Variants in CA10 observed in about 807,000 individuals in gnomAD.
CA10 encodes the protein carbonic anhydrase-related protein 10.
In CA10, 14 loss-of-function variants were observed where a neutral mutation model predicts 44.2. The ratio of observed to expected loss-of-function variants is 0.32; its 90% confidence interval spans 0.21 to 0.50. The LOEUF is 0.50. Ranked by LOEUF, CA10 falls within the 20% of genes least tolerant of loss-of-function variation. The pLI is 0.99. For missense variants in CA10, 350 were observed against 409.7 expected (o/e 0.85, Z 1.26); for synonymous variants, 159 against 141.6 (o/e 1.12, Z -0.87).
intron 3 of CA10, among the ~76,000 whole-genome samples, chr17:51,806,695 C>T (rs978662098): frequency 6.6e-6 from 1 of 152,188 alleles, no homozygotes; most frequent in African/African-American, 2.4e-5. Flanking sequence ...CAACAAGAAG[C>T]ATAATTTAAT....
At chr17:51,824,882 T>A (rs924275379) in intron 3 of CA10, among the ~76,000 whole-genome samples, 1 of 152,250 alleles carries the variant, frequency 6.6e-6, no homozygotes, top group Non-Finnish European at 1.5e-5. Context: ...TCTGACTTCC[T>A]CACTTTACTA....
intron 1 of CA10, among the ~76,000 whole-genome samples, chr17:52,119,146 C>G (rs184186374): frequency 2.5e-4 from 36 of 146,508 alleles, no homozygotes; most frequent in African/African-American, 8.6e-4. Flanking sequence ...GAATAAAGTA[C>G]AATTCTGTGA....
intron 4 of CA10, among the ~76,000 whole-genome samples, chr17:51,706,559 C>G (rs1218768624): frequency 6.6e-6 from 1 of 152,218 alleles, no homozygotes; most frequent in East Asian, 1.9e-4. Context: ...CCTGCCGGGG[C>G]CTTTGCCCCC....
intron 1 of CA10, among the ~76,000 whole-genome samples, chr17:52,153,832 T>G (rs1419869890): frequency 2.6e-5 from 4 of 152,336 alleles, no homozygotes; most frequent in Admixed American, 2.6e-4. Context: ...AACTGTGCTG[T>G]GTGAAAATCA....
chr17:51,747,300 G>A (rs895571940), intron 4 of CA10, among the ~76,000 whole-genome samples: 1 of 152,202 alleles, frequency 6.6e-6, no homozygotes, highest in Non-Finnish European at 1.5e-5. Flanking sequence ...CGCCCAGATA[G>A]GTGTAAGTAA....
At chr17:51,748,197 C>A (rs1341236309) in intron 3 of CA10, among the ~76,000 whole-genome samples, 8 of 152,168 alleles carry the variant, frequency 5.3e-5, no homozygotes, top group African/African-American at 1.9e-4. Flanking sequence ...AAGCAGTTAG[C>A]AAGGGGTGAG....
intron 1 of CA10, among the ~76,000 whole-genome samples, chr17:52,097,363 T>C (rs1351727944): frequency 6.6e-6 from 1 of 152,182 alleles, no homozygotes; most frequent in Non-Finnish European, 1.5e-5. Flanking sequence ...GCTGTTGGAA[T>C]TTACCTATAA....
intron 2 of CA10, among the ~76,000 whole-genome samples, chr17:51,945,613 G>C (rs1983244294): frequency 6.6e-6 from 1 of 152,072 alleles, no homozygotes; most frequent in Non-Finnish European, 1.5e-5. Context: ...AGGGGGATTA[G>C]TAATCTCATT....
chr17:51,879,262 A>G (rs942959222), intron 3 of CA10, among the ~76,000 whole-genome samples: 1 of 152,118 alleles, frequency 6.6e-6, no homozygotes, highest in African/African-American at 2.4e-5. Flanking sequence ...TTTCATGTGT[A>G]GCTCTATTTC....
intron 2 of CA10, among the ~76,000 whole-genome samples, chr17:52,009,499 T>C (rs1311140543): frequency 2.0e-5 from 3 of 151,996 alleles, no homozygotes; most frequent in Non-Finnish European, 4.4e-5. Context: ...AGATGTCCTA[T>C]GGGCATGAAA....
chr17:51,896,548 G>A (rs766212126), intron 3 of CA10, among the ~76,000 whole-genome samples: 8 of 151,980 alleles, frequency 5.3e-5, no homozygotes, highest in Non-Finnish European at 7.4e-5. Flanking sequence ...ATGAAGATAC[G>A]CATGCAAGTG....
chr17:51,807,347 G>C (rs1385640924), intron 3 of CA10, among the ~76,000 whole-genome samples: 1 of 152,184 alleles, frequency 6.6e-6, no homozygotes, highest in Non-Finnish European at 1.5e-5. Flanking sequence ...TTAGTCAGAA[G>C]GCCATGCATT....
chr17:51,959,661 A>ATG (rs932248055), intron 2 of CA10, among the ~76,000 whole-genome samples: 31 of 152,016 alleles, frequency 2.0e-4, no homozygotes, highest in African/African-American at 7.2e-4. Flanking sequence ...GGTGGTTGGT[A>ATG]TGTGTGTGTG....
chr17:51,641,415 A>G (rs898233376), intron 6 of CA10, among the ~76,000 whole-genome samples: 1 of 152,176 alleles, frequency 6.6e-6, no homozygotes, highest in Non-Finnish European at 1.5e-5. Context: ...ATCTTTCAAC[A>G]TAAGCAAGCT....
intron 4 of CA10, among the ~76,000 whole-genome samples, chr17:51,696,603 G>A (rs745774744): frequency 2.0e-5 from 3 of 152,028 alleles, no homozygotes; most frequent in Admixed American, 6.6e-5. Context: ...CTCAATTTTA[G>A]TTATTTCTTC....
intron 3 of CA10, among the ~76,000 whole-genome samples, chr17:51,914,803 T>G (rs984596971): frequency 6.6e-6 from 1 of 152,224 alleles, no homozygotes; most frequent in African/African-American, 2.4e-5. Flanking sequence ...CAACCTAAGA[T>G]TGAAACTCAG....
intron 4 of CA10, among the ~76,000 whole-genome samples, chr17:51,688,632 T>G (rs1169333364): frequency 6.6e-6 from 1 of 152,228 alleles, no homozygotes; most frequent in Non-Finnish European, 1.5e-5. Context: ...TATGGACTAT[T>G]TCATGCCTAA....
intron 4 of CA10, among the ~76,000 whole-genome samples, chr17:51,715,970 A>G (rs1328893895): frequency 1.3e-5 from 2 of 152,142 alleles, no homozygotes; most frequent in South Asian, 2.1e-4. Flanking sequence ...GATTACAGGC[A>G]TAAGCCACCG....
At chr17:51,647,389 C>T (rs1913383586) in intron 6 of CA10, among the ~76,000 whole-genome samples, 1 of 152,148 alleles carries the variant, frequency 6.6e-6, no homozygotes. Context: ...GCATGTGGCT[C>T]CCCACACTTG....
Sources: gnomAD v4.1 joint callset for allele counts (sites outside exome capture counted in the v4.1 genomes callset) on GRCh38, gnomAD v4.1.1 for gene constraint, MANE v1.5 for transcripts, NCBI Gene and HGNC (gene_info 2026-07-23, HGNC 2026-07-21) for gene names.